The following RPP40 variants were observed in gnomAD, a reference collection of about 807,000 sequenced individuals.
RPP40 encodes ribonuclease P/MRP subunit p40.
RPP40 carries 30 observed loss-of-function variants against 42.5 expected under a neutral mutation model. That is an observed-to-expected ratio of 0.71 (90% CI 0.53 to 0.96). RPP40 has a LOEUF of 0.96. RPP40 is among the 40% of genes least tolerant of loss of function. The pLI is 0.00. For synonymous variants in RPP40, 173 were observed against 164.0 expected (o/e 1.05, Z -0.42); for missense variants, 426 against 433.5 (o/e 0.98, Z 0.15).
intron 2 of RPP40, 96 bp from the exon 3 acceptor site, chr6:5,000,727 C>A (rs1581323777): frequency 3.7e-6 from 3 of 802,208 alleles, no homozygotes; most frequent in East Asian, 2.6e-5. Context: ...TCTTCCGGGT[C>A]ATTAAAGGTC....
chr6:4,994,163 G>A (rs577584593), downstream of RPP40, among the ~76,000 whole-genome samples: 11 of 144,832 alleles, frequency 7.6e-5, no homozygotes, highest in South Asian at 1.8e-3. Flanking sequence ...ACCAAACACC[G>A]CATGTTTTCA....
At chr6:4,993,287 T>C (rs1759285778), downstream of RPP40, among the ~76,000 whole-genome samples, 1 of 152,220 alleles carries the variant, frequency 6.6e-6, no homozygotes, top group African/African-American at 2.4e-5. Context: ...CTATTTTCAG[T>C]GGCGTCTAGT....
At chr6:5,000,866 G>A (rs1189879496) in intron 2 of RPP40, among the ~76,000 whole-genome samples, 1 of 131,722 alleles carries the variant, frequency 7.6e-6, no homozygotes, top group Non-Finnish European at 1.6e-5. Context: ...GACCAAGCAT[G>A]CAGAAGACAA....
intron 4 of RPP40, among the ~76,000 whole-genome samples, chr6:4,999,399 A>G (rs1191539042): frequency 1.3e-5 from 2 of 149,008 alleles, no homozygotes; most frequent in Middle Eastern, 6.7e-3. Flanking sequence ...CCCGGGTTCA[A>G]GCAATTCTCC....
intron 4 of RPP40, among the ~76,000 whole-genome samples, chr6:4,999,423 T>C (rs1615873): frequency 0.34 from 51,907 of 150,960 alleles, 9,726 homozygotes; most frequent in African/African-American, 0.51. Context: ...CTCAGCCTCC[T>C]GAGTAGCTGG....
rs1466874053 is a variant in RPP40 at position 4,996,326 on chromosome 6, C to G, written c.654G>C (p.Gln218His). ...KVALSTLRDL[Q>H]CPVLQSSELE... ...GCTCGCTGCTCTGCAGCACTGGGCA[C>G]TGGAGATCTCTCAACGTGCTCAGTG... The change falls in exon 6 of 8, where the codon CAG becomes CAC. Residue 218 changes from glutamine to histidine, a missense_variant. Physicochemically the swap from Gln to His is conservative, Grantham distance 24 (BLOSUM62 0). Transcript: ENST00000380051. 1 of 1,614,092 alleles carries G rather than the reference C, an allele frequency of 6.2e-7. No individual in the cohort carries two copies. Among genetic ancestry groups the G allele is most frequent in the Non-Finnish European group, 8.5e-7 (1 of 1,180,052 alleles).
rs368564780 is a variant in RPP40 at position 4,996,274 on chromosome 6, G to A, written c.706C>T (p.Arg236Trp). 4.0e-5 allele frequency: 64 copies of A among 1,614,062 alleles called. No homozygotes were observed. Among genetic ancestry groups the A allele is most frequent in the Middle Eastern group, 1.7e-4 (1 of 6,054 alleles). ...ELEGTPEVSC[R>W]ALELFDWLGA... ...AGCCAGTCGAAGAGCTCCAGAGCCCGGCAGGACACCTCTGGCGTTCCCTCC... is the reference window on the plus strand; with the variant it reads ...AGCCAGTCGAAGAGCTCCAGAGCCCAGCAGGACACCTCTGGCGTTCCCTCC... The change falls in exon 6 of 8, where the codon CGG (arginine) becomes TGG (tryptophan). Residue 236 changes from arginine (R) to tryptophan (W), a missense_variant. By Grantham distance (101) the Arg-to-Trp change is moderately radical. Coordinates refer to ENST00000380051, the MANE Select transcript of RPP40 (RefSeq NM_006638.4).
downstream of RPP40, among the ~76,000 whole-genome samples, chr6:4,990,972 T>G (rs1156344036): frequency 6.6e-6 from 1 of 152,188 alleles, no homozygotes; most frequent in Non-Finnish European, 1.5e-5. Flanking sequence ...CTTTTCTATC[T>G]GTAGGCTCTT....
chr6:4,997,644 C>T (rs1759422252), intron 5 of RPP40, among the ~76,000 whole-genome samples: 1 of 150,750 alleles, frequency 6.6e-6, no homozygotes, highest in Non-Finnish European at 1.5e-5. Flanking sequence ...TAAATCTCCT[C>T]TCATCCATCC....
downstream of RPP40, among the ~76,000 whole-genome samples, chr6:4,990,456 G>T (rs2127537785): frequency 6.6e-6 from 1 of 152,172 alleles, no homozygotes; most frequent in South Asian, 2.1e-4. Flanking sequence ...CAGATAATGA[G>T]GTGGAAAATA....
intron 1 of RPP40, 59 bp downstream of exon 1, chr6:5,003,821 A>C (rs1759666160): frequency 6.4e-7 from 1 of 1,561,998 alleles, no homozygotes. Context: ...CTCTCCCCAA[A>C]CCTCTCTCGC....
In RPP40 at chr6:4,998,852, G is replaced by GA; in HGVS notation, c.434-12dup. ...AATCAATGGAAACAACTTTAAAAAT[G>GA]AAAAAAAGAACATATATTTCATTCA... On this transcript the variant is annotated splice_polypyrimidine_tract_variant and intron_variant, in intron 4 of 7. Transcript: ENST00000380051. The GA allele has an allele frequency of 6.6e-6, 9 of 1,372,068 alleles. No homozygotes were observed. The highest frequency in any genetic ancestry group is 4.8e-5 in the East Asian group (2 of 41,294). The allele number at this position is 1,372,068 out of a possible 1,614,324, so 85.0% of individuals were successfully genotyped here. A position where few individuals can be genotyped will look rare whatever the true frequency, so the allele number is the denominator to read the frequency against.
chr6:5,000,834 G>A (rs1265681208), intron 2 of RPP40, among the ~76,000 whole-genome samples: 2 of 148,424 alleles, frequency 1.3e-5, no homozygotes, highest in African/African-American at 2.6e-5. Context: ...GACCAAGCAT[G>A]CAGAAGACCA....
chr6:4,996,386 G>T lies in RPP40; in HGVS notation c.594C>A (p.Ser198=). ...SEESTMMSYF[S]KYQIQEHQPK... ...GCTGATGCTCCTGAATTTGGTACTT[G>T]GAAAAATATGACATCATTGTCGATT... The change falls in exon 6 of 8, where the codon TCC becomes TCA. Residue 198 remains serine, a synonymous_variant. Transcript: ENST00000380051. 1 of 1,613,746 alleles carries T rather than the reference G, an allele frequency of 6.2e-7. No individual in the cohort carries two copies. The highest frequency in any genetic ancestry group is 8.5e-7 in the Non-Finnish European group (1 of 1,180,040).
rs1176264957 is a variant in RPP40, at chr6:5,003,365, AAAG to A, written c.123+512_123+514del. On this transcript the variant is annotated intron_variant, in intron 1 of 7. Coordinates refer to ENST00000380051, the MANE Select transcript of RPP40 (RefSeq NM_006638.4). ...CCGTCTAAAAAAAAAAAAAAAAAAA[AAAG>A]GAAAATCAGTCGCTTCCTGGGCCGA... Among the ~76,000 whole-genome samples, 17 of 147,260 alleles carry A rather than the reference AAAG, an allele frequency of 1.2e-4. 2 individuals carry two copies. The South Asian group carries it at 2.5e-3, about 22-fold the overall frequency.
chr6:4,995,836 C>A (rs993098320), intron 7 of RPP40, 115 bp downstream of exon 7: 8 of 968,032 alleles, frequency 8.3e-6, no homozygotes, highest in Non-Finnish European at 1.1e-5. Flanking sequence ...GATTTGAGTT[C>A]CTTTCAATGT....
chr6:5,000,922 CCAAGCATGCAGAAGAA>C (rs1167807635), intron 2 of RPP40, among the ~76,000 whole-genome samples: 67 of 145,386 alleles, frequency 4.6e-4, no homozygotes, highest in Non-Finnish European at 6.9e-4. Flanking sequence ...ATGCAGAAGA[CCAAGCATGCAGAAGAA>C]CAAGCATGCA....
chr6:4,991,649 C>G (rs1759263042), downstream of RPP40, among the ~76,000 whole-genome samples: 1 of 152,112 alleles, frequency 6.6e-6, no homozygotes, highest in Non-Finnish European at 1.5e-5. Context: ...TGATCTATGT[C>G]TCCTTGAAGT....
chr6:5,000,705 C>T, intron 2 of RPP40, 74 bp from the exon 3 acceptor site: 1 of 946,768 alleles, frequency 1.1e-6, no homozygotes, highest in Non-Finnish European at 1.7e-6. Context: ...ATTATTTTTA[C>T]AAGATAACCA....
Sources: gnomAD v4.1 joint callset for allele counts (sites outside exome capture counted in the v4.1 genomes callset) on GRCh38, gnomAD v4.1.1 for gene constraint, MANE v1.5 for transcripts, NCBI Gene and HGNC (gene_info 2026-07-23, HGNC 2026-07-21) for gene names.